Variants in ZNF730 observed in about 807,000 individuals in gnomAD.
The protein encoded by ZNF730 is putative zinc finger protein 730.
A neutral mutation model predicts 12.6 loss-of-function variants in ZNF730; 12 were observed. The ratio of observed to expected loss-of-function variants is 0.95; its 90% CI spans 0.61 to 1.54. ZNF730 has a LOEUF of 1.54. Ranked by LOEUF, ZNF730 falls within the 40% of genes most tolerant of loss-of-function variation. The probability of loss-of-function intolerance (pLI) is 0.00; values close to 1 mark genes in which losing one functional copy is unlikely to be tolerated. For synonymous variants in ZNF730, 194 were observed against 195.8 expected, an observed-to-expected ratio of 0.99 and a Z score of 0.08; for missense variants, 643 against 583.5, an observed-to-expected ratio of 1.10 and a Z score of -1.05.
At chr19:23,141,631 A>C (rs1970921850) in intron 3 of ZNF730, among the ~76,000 whole-genome samples, 2 of 152,116 alleles carry the variant, frequency 1.3e-5, no homozygotes, top group South Asian at 4.1e-4. Context: ...AGAGTGTGTT[A>C]ATTTTTATAT....
At chr19:23,126,100 A>G (rs1970662587) in intron 1 of ZNF730, among the ~76,000 whole-genome samples, 1 of 152,228 alleles carries the variant, frequency 6.6e-6, no homozygotes. Flanking sequence ...ACCAGGATAC[A>G]TGAATGAACT....
At chr19:23,129,764 C>A (rs1398502890) in intron 1 of ZNF730, among the ~76,000 whole-genome samples, 2 of 151,826 alleles carry the variant, frequency 1.3e-5, no homozygotes, top group Non-Finnish European at 2.9e-5. Context: ...GAGGCCGAGA[C>A]GGGTGGATCA....
intron 1 of ZNF730, among the ~76,000 whole-genome samples, chr19:23,107,435 TAAAAAAAAAATACCAAA>T (rs1427793158): frequency 1.6e-5 from 1 of 63,024 alleles, no homozygotes; most frequent in Non-Finnish European, 2.7e-5. Flanking sequence ...GTCTCTACTT[TAAAAAAAAAATACCAAA>T]AAAAAAAAAA....
intron 1 of ZNF730, among the ~76,000 whole-genome samples, chr19:23,093,796 G>A (rs1285465129): frequency 6.6e-6 from 1 of 152,226 alleles, no homozygotes; most frequent in Non-Finnish European, 1.5e-5. Flanking sequence ...TCAACAGACG[G>A]GGTCAGGGGC....
chr19:23,098,820 G>A (rs559002870), intron 1 of ZNF730, among the ~76,000 whole-genome samples: 9 of 152,222 alleles, frequency 5.9e-5, no homozygotes, highest in African/African-American at 1.4e-4. Context: ...GGTTGGTAAC[G>A]TATAGCTTAG....
intron 3 of ZNF730, among the ~76,000 whole-genome samples, chr19:23,138,813 G>A (rs1313525288): frequency 1.3e-5 from 2 of 152,082 alleles, no homozygotes; most frequent in African/African-American, 4.8e-5. Flanking sequence ...CAATTCTTCA[G>A]CCTTAATGTA....
At chr19:23,091,162 G>C (rs560918892) in intron 1 of ZNF730, among the ~76,000 whole-genome samples, 1 of 152,308 alleles carries the variant, frequency 6.6e-6, no homozygotes, top group African/African-American at 2.4e-5. Context: ...GAGGGTGGAA[G>C]CCTCAAGCCT....
At chr19:23,121,404 T>TCTCGG (rs1970596964) in intron 1 of ZNF730, among the ~76,000 whole-genome samples, 1 of 152,160 alleles carries the variant, frequency 6.6e-6, no homozygotes, top group Non-Finnish European at 1.5e-5. Context: ...AGTGGCACGA[T>TCTCGG]CTCGGCTCAC....
chr19:23,117,070 G>C lies in ZNF730; in HGVS notation c.-104G>C. ...CCGAAGCTCCAATTTTCGTCTGTCT[G>C]CTTTGTGTCCTCTGCACGTAGAAGC... On this transcript the variant is annotated 5_prime_UTR_variant, in exon 1 of 4. Transcript: ENST00000597761. 6.3e-7 allele frequency: 1 copy of C among 1,580,390 alleles called. No homozygotes were observed. The highest frequency in any genetic ancestry group is 2.2e-5 in the East Asian group (1 of 44,452).
intron 1 of ZNF730, among the ~76,000 whole-genome samples, chr19:23,083,285 A>G (rs1422831504): frequency 6.6e-6 from 1 of 151,838 alleles, no homozygotes; most frequent in Non-Finnish European, 1.5e-5. Flanking sequence ...TTAGCCAGGC[A>G]TGGTGGCACA....
chr19:23,145,750 G>C lies in ZNF730; in HGVS notation c.706G>C (p.Ala236Pro). Reference protein sequence around the residue: ...KPYKCKECGKAFNWFSHFTTH... With the variant: ...KPYKCKECGKPFNWFSHFTTH... The stretch of plus-strand genomic sequence containing the variant: ...TTACAAATGTAAAGAATGTGGCAAA[G>C]CCTTTAACTGGTTTTCACATTTTAC... Residue 236 changes from alanine (A) to proline (P), a missense_variant, in exon 4 of 4, where the codon GCC becomes CCC. Transcript: ENST00000597761. The C allele has an allele frequency of 6.4e-7, 1 of 1,565,088 alleles. No individual in the cohort carries two copies. The highest frequency in any genetic ancestry group is 8.6e-7 in the Non-Finnish European group (1 of 1,156,832).
chr19:23,130,794 A>T (rs568641958), intron 1 of ZNF730, among the ~76,000 whole-genome samples: 31 of 152,298 alleles, frequency 2.0e-4, no homozygotes, highest in African/African-American at 7.0e-4. Context: ...GAAAAACAAA[A>T]CTGGAAATAT....
chr19:23,132,338 C>G (rs1191468776), intron 1 of ZNF730, among the ~76,000 whole-genome samples: 3 of 152,080 alleles, frequency 2.0e-5, no homozygotes, highest in African/African-American at 7.2e-5. Context: ...CTAAACATGC[C>G]TTGGAGTAAG....
At chr19:23,138,992 T>C (rs968651260) in intron 3 of ZNF730, among the ~76,000 whole-genome samples, 1 of 152,112 alleles carries the variant, frequency 6.6e-6, no homozygotes, top group Non-Finnish European at 1.5e-5. Context: ...TTTTACTTTC[T>C]ATTTCAATTT....
At chr19:23,080,469 G>A (rs947017847) in intron 1 of ZNF730, among the ~76,000 whole-genome samples, 11 of 151,038 alleles carry the variant, frequency 7.3e-5, no homozygotes, top group South Asian at 6.3e-4. Context: ...TTTGCCTCCC[G>A]ACTTCAAGTG....
intron 1 of ZNF730, among the ~76,000 whole-genome samples, chr19:23,076,624 G>A (rs1036610448): frequency 9.2e-5 from 14 of 152,118 alleles, no homozygotes; most frequent in Non-Finnish European, 1.6e-4. Context: ...CCTCTCAGAG[G>A]AGCAACTGGG....
At chr19:23,078,685 CTG>C (rs1056417133) in intron 1 of ZNF730, among the ~76,000 whole-genome samples, 21 of 152,336 alleles carry the variant, frequency 1.4e-4, no homozygotes, top group Middle Eastern at 3.4e-3. Context: ...TACTTTGTCT[CTG>C]TGTCTCTTTC....
chr19:23,129,965 G>A (rs556530956), intron 1 of ZNF730, among the ~76,000 whole-genome samples: 1 of 147,792 alleles, frequency 6.8e-6, no homozygotes, highest in African/African-American at 2.5e-5. Context: ...CTGCACTCCA[G>A]CCTGGGTGCT....
chr19:23,133,314 C>T (rs961860452), intron 1 of ZNF730, among the ~76,000 whole-genome samples: 7 of 152,086 alleles, frequency 4.6e-5, no homozygotes, highest in African/African-American at 1.4e-4. Context: ...ATTGGCATCA[C>T]TGGTCATCTT....
Sources: gnomAD v4.1 joint callset for allele counts (sites outside exome capture counted in the v4.1 genomes callset) on GRCh38, gnomAD v4.1.1 for gene constraint, MANE v1.5 for transcripts, NCBI Gene and HGNC (gene_info 2026-07-23, HGNC 2026-07-21) for gene names.